Variants in CSMD1 observed in about 807,000 individuals in gnomAD.
CSMD1 encodes the protein CUB and sushi domain-containing protein 1.
Under a neutral mutation model 417.5 loss-of-function variants are expected in CSMD1, and 213 were observed. The ratio of observed to expected loss-of-function variants is 0.51; its 90% CI spans 0.46 to 0.57. The LOEUF (loss-of-function observed/expected upper bound fraction) is 0.57, where lower values mean the gene tolerates loss of function less well. CSMD1 is among the 20% of genes least tolerant of loss of function. The pLI is 0.00. For synonymous variants in CSMD1, 2,862 were observed against 1,736.8 expected (o/e 1.65, Z -16.11); for missense variants, 6,923 against 4,529.7 (o/e 1.53, Z -15.17).
At chr8:4,341,485 G>C (rs1399655090) in intron 3 of CSMD1, among the ~76,000 whole-genome samples, 2 of 152,116 alleles carry the variant, frequency 1.3e-5, no homozygotes, top group Non-Finnish European at 2.9e-5. Flanking sequence ...TCAAAGGACA[G>C]ACTACTCTGC....
At chr8:4,263,847 A>C (rs1804053208) in intron 3 of CSMD1, among the ~76,000 whole-genome samples, 1 of 152,190 alleles carries the variant, frequency 6.6e-6, no homozygotes, top group African/African-American at 2.4e-5. Flanking sequence ...AGCACTCAAA[A>C]ACATTAACTT....
chr8:3,025,419 G>A (rs1809795608), intron 51 of CSMD1, among the ~76,000 whole-genome samples: 1 of 151,992 alleles, frequency 6.6e-6, no homozygotes, highest in East Asian at 1.9e-4. Flanking sequence ...TGTATTGTGT[G>A]GTGTTATTCT....
intron 3 of CSMD1, among the ~76,000 whole-genome samples, chr8:4,397,800 A>T (rs1324524445): frequency 6.6e-6 from 1 of 152,104 alleles, no homozygotes; most frequent in Non-Finnish European, 1.5e-5. Flanking sequence ...TCAATATTAC[A>T]TGCTAATTAT....
chr8:3,351,899 T>G (rs1808450968), intron 21 of CSMD1, among the ~76,000 whole-genome samples: 2 of 152,044 alleles, frequency 1.3e-5, no homozygotes, highest in South Asian at 4.1e-4. Flanking sequence ...AAATTTAAAT[T>G]ATGACTTTTA....
At chr8:3,983,883 G>T (rs183401262) in intron 5 of CSMD1, among the ~76,000 whole-genome samples, 1 of 151,954 alleles carries the variant, frequency 6.6e-6, no homozygotes, top group Non-Finnish European at 1.5e-5. Context: ...GATCTAATGG[G>T]ACTGTCAATT....
In CSMD1 at chr8:3,312,699, C is replaced by T. The variant is rs76331066; in HGVS notation, c.3632-4196G>A. Among the ~76,000 whole-genome samples the T allele has an allele frequency of 8.3e-3, 1,265 of 152,240 alleles. 20 individuals are homozygous for T. Among genetic ancestry groups the T allele is most frequent in the African/African-American group, 0.029 (1,193 of 41,534 alleles). On this transcript the variant is annotated intron_variant, in intron 23 of 69. Coordinates refer to ENST00000635120, the MANE Select transcript of CSMD1 (RefSeq NM_033225.6). ...TGAAGCTTCTACTTCGTGTCACTTG[C>T]GCCGTGAACCAGCTTAGTCGCCTGC...
chr8:4,849,934 A>G (rs1474021837), intron 1 of CSMD1, among the ~76,000 whole-genome samples: 1 of 152,228 alleles, frequency 6.6e-6, no homozygotes, highest in Non-Finnish European at 1.5e-5. Flanking sequence ...ATGTTTAAAC[A>G]TTTCAGGAAT....
intron 3 of CSMD1, among the ~76,000 whole-genome samples, chr8:4,409,617 G>A (rs1379383116): frequency 6.8e-6 from 1 of 148,100 alleles, no homozygotes; most frequent in South Asian, 2.2e-4. Flanking sequence ...GAAGAGTATA[G>A]ATTCATCATT....
intron 48 of CSMD1, among the ~76,000 whole-genome samples, chr8:3,090,254 T>C (rs1814845966): frequency 7.1e-6 from 1 of 140,658 alleles, no homozygotes; most frequent in Non-Finnish European, 1.5e-5. Context: ...GAGGCGGAGC[T>C]TGCAGTGAGC....
chr8:3,395,112 G>A (rs1388408127), intron 17 of CSMD1, among the ~76,000 whole-genome samples: 5 of 152,158 alleles, frequency 3.3e-5, no homozygotes, highest in South Asian at 4.1e-4. Context: ...GCAAGAAAAC[G>A]AACAAAAGGA....
At chr8:4,224,703 C>T (rs182665782) in intron 3 of CSMD1, among the ~76,000 whole-genome samples, 2 of 152,206 alleles carry the variant, frequency 1.3e-5, no homozygotes, top group Non-Finnish European at 2.9e-5. Flanking sequence ...AGATGAATTA[C>T]TAATATAGCT....
intron 26 of CSMD1, among the ~76,000 whole-genome samples, chr8:3,243,806 T>C (rs1331677785): frequency 1.3e-5 from 2 of 150,900 alleles, no homozygotes; most frequent in Admixed American, 6.6e-5. Context: ...TATATAATTA[T>C]ATGATGAATA....
chr8:3,671,086 A>G (rs757097478), intron 7 of CSMD1, among the ~76,000 whole-genome samples: 36 of 91,398 alleles, frequency 3.9e-4, no homozygotes, highest in Non-Finnish European at 7.4e-4. Flanking sequence ...TATACATATA[A>G]GGGATATATA....
intron 50 of CSMD1, among the ~76,000 whole-genome samples, chr8:3,046,980 C>A (rs893836226): frequency 6.6e-6 from 1 of 152,050 alleles, no homozygotes; most frequent in African/African-American, 2.4e-5. Flanking sequence ...GAGGCCGAGG[C>A]GGGTGAATCA....
chr8:4,720,876 G>T lies in CSMD1; in HGVS notation c.86-83318C>A, dbSNP rs114437918. On this transcript the variant is annotated intron_variant, in intron 1 of 69. Coordinates refer to ENST00000635120, the MANE Select transcript of CSMD1 (RefSeq NM_033225.6). ...AAGGGAAAACCAAGATCCTAGTGCC[G>T]TCTCTGGTACAAACATACCTGGTGA... is the stretch of plus-strand genomic sequence containing the variant. 2.6e-5 allele frequency among the ~76,000 whole-genome samples: 4 copies of T among 152,098 alleles called. No individual in the cohort carries two copies. In the South Asian group the frequency reaches 8.3e-4, roughly 32 times the overall value.
At chr8:3,648,781 T>A (rs1313386588) in intron 7 of CSMD1, among the ~76,000 whole-genome samples, 2 of 152,148 alleles carry the variant, frequency 1.3e-5, no homozygotes, top group Non-Finnish European at 2.9e-5. Flanking sequence ...GCATTGTATT[T>A]AAAACCTATC....
chr8:3,698,599 G>T (rs182011557), intron 7 of CSMD1, among the ~76,000 whole-genome samples: 1 of 152,224 alleles, frequency 6.6e-6, no homozygotes, highest in African/African-American at 2.4e-5. Flanking sequence ...TAAATCACAC[G>T]TTCCTAATAC....
At chr8:3,036,856 G>C (rs1456158567) in intron 50 of CSMD1, among the ~76,000 whole-genome samples, 2 of 152,006 alleles carry the variant, frequency 1.3e-5, no homozygotes, top group Non-Finnish European at 2.9e-5. Flanking sequence ...TGGGGTACAA[G>C]CGTTTTTGGT....
At chr8:4,398,158 T>C (rs1160409590) in intron 3 of CSMD1, among the ~76,000 whole-genome samples, 2 of 152,138 alleles carry the variant, frequency 1.3e-5, no homozygotes, top group African/African-American at 4.8e-5. Flanking sequence ...GGTTCTACAA[T>C]GACAAGTTTC....
Sources: gnomAD v4.1 joint callset for allele counts (sites outside exome capture counted in the v4.1 genomes callset) on GRCh38, gnomAD v4.1.1 for gene constraint, MANE v1.5 for transcripts, NCBI Gene and HGNC (gene_info 2026-07-23, HGNC 2026-07-21) for gene names.